The following PLPPR3 variants were observed in gnomAD, a reference collection of about 807,000 sequenced individuals.
The protein encoded by PLPPR3 is phospholipid phosphatase-related protein type 3.
Under a neutral mutation model 27.3 loss-of-function variants are expected in PLPPR3, and 14 were observed. The observed-to-expected ratio is 0.51, with a 90% CI of 0.34 to 0.80. PLPPR3 has a LOEUF of 0.80. Among genes scored for constraint, PLPPR3 ranks in the 30% least tolerant of loss-of-function variants. The pLI is 0.01. For missense variants in PLPPR3, 1,287 were observed against 1,056.9 expected (o/e 1.22, Z -3.02); for synonymous variants, 671 against 508.0 (o/e 1.32, Z -4.32).
At chr19:817,980 T>C (rs8108787) in intron 2 of PLPPR3, among the ~76,000 whole-genome samples, 44,731 of 151,942 alleles carry the variant, frequency 0.29, 6,719 homozygotes, top group South Asian at 0.37. Flanking sequence ...CCCTGGCAAC[T>C]ATCTACTTGT....
At chr19:820,406 A>T (rs961777088) in intron 2 of PLPPR3, among the ~76,000 whole-genome samples, 2 of 152,102 alleles carry the variant, frequency 1.3e-5, no homozygotes, top group Non-Finnish European at 1.5e-5. Context: ...GTTGGTCTCA[A>T]ACTCCTGGCC....
Position 813,108 on chromosome 19 carries a change from A to C in PLPPR3, c.1619T>G (p.Ile540Ser). ...CGCGCCCGGAGCCTTGGACATGGCG[A>C]TGACCTGCAGCAGCCGCGGAGGGTT... Reference protein sequence around the residue: ...VANPPRLLQVIAMSKAPGAPG... With the variant: ...VANPPRLLQVSAMSKAPGAPG... Residue 540 changes from isoleucine (I) to serine (S), a missense_variant, in exon 8 of 8, where the codon ATC becomes AGC. Transcript: ENST00000520876. This position sits in a 1 kb window ranked among gnomAD's most constrained non-coding sequence, Gnocchi z 4.1. The C allele has an allele frequency of 6.7e-7, 1 of 1,503,392 alleles. No individual in the cohort carries two copies. Among genetic ancestry groups the C allele is most frequent in the Non-Finnish European group, 8.8e-7 (1 of 1,137,518 alleles). The allele number at this position is 1,503,392 out of a possible 1,614,324, so 93.1% of individuals were successfully genotyped here.
rs1185448050 is a variant in PLPPR3, at chr19:813,068, C to T, written c.1659G>A (p.Ala553=). The stretch of plus-strand genomic sequence containing the variant: ...CGCTGGACGACGACGCCGTCTCGGC[C>T]GCCTTGGGGCCCGGCGCGCCCGGAG... The part of the protein sequence containing the change: ...SKAPGAPGPK[A]AETASSSSAS... Residue 553 remains alanine, a synonymous_variant, in exon 8 of 8, where the codon GCG becomes GCA. Coordinates refer to ENST00000520876, the MANE Select transcript of PLPPR3 (RefSeq NM_001270366.2). This position sits in a 1 kb window ranked among gnomAD's most constrained non-coding sequence, Gnocchi z 4.1. 7 of 1,499,890 alleles carry T rather than the reference C, an allele frequency of 4.7e-6. No homozygotes were observed. The highest frequency in any genetic ancestry group is 1.3e-5 in the South Asian group (1 of 79,706). 92.9% of individuals were successfully genotyped at this position (1,499,890 alleles called of 1,614,324 possible).
At position 812,623 on chromosome 19, in the gene PLPPR3, C is replaced by CCTCCGCCTCGCG. The variant is rs2034946121; in HGVS notation, c.2092_2103dup (p.Arg698_Glu701dup). On this transcript the variant is annotated inframe_insertion, in exon 8 of 8. Coordinates refer to ENST00000520876, the MANE Select transcript of PLPPR3 (RefSeq NM_001270366.2). ...TTGCGGAAGTAGCCCTCGGCCTCCG[C>CCTCCGCCTCGCG]CTCCGCCTCGCGCTCCGCCAGCCCC... 6.3e-6 allele frequency: 7 copies of CCTCCGCCTCGCG among 1,119,360 alleles called. No individual in the cohort carries two copies. The highest frequency in any genetic ancestry group is 7.7e-6 in the Non-Finnish European group (7 of 904,690). 69.3% of individuals were successfully genotyped at this position (1,119,360 alleles called of 1,614,324 possible). A position where few individuals can be genotyped will look rare whatever the true frequency, so the allele number is the denominator to read the frequency against.
Position 815,865 on chromosome 19 carries a change from G to T in PLPPR3, c.76-14C>A. ...CACTATGGGCAGCTGTGGGGACAAG[G>T]TGGGCCAGGTTCACCCTGCTCTCCC... On this transcript the variant is annotated splice_polypyrimidine_tract_variant and intron_variant, in intron 2 of 7. Coordinates refer to ENST00000520876, the MANE Select transcript of PLPPR3 (RefSeq NM_001270366.2). 1.2e-6 allele frequency: 2 copies of T among 1,610,850 alleles called. No homozygotes were observed. Among genetic ancestry groups the T allele is most frequent in the East Asian group, 2.2e-5 (1 of 44,852 alleles).
At position 814,636 on chromosome 19, in the gene PLPPR3, G is replaced by A. The variant is rs1194483325; in HGVS notation, c.658-29C>T. 1 of 1,610,642 alleles carries A rather than the reference G, an allele frequency of 6.2e-7. No homozygotes were observed. The highest frequency in any genetic ancestry group is 2.2e-5 in the East Asian group (1 of 44,872). On this transcript the variant is annotated intron_variant, in intron 6 of 7. Coordinates refer to ENST00000520876, the MANE Select transcript of PLPPR3 (RefSeq NM_001270366.2). ...GGGCATGGGGGTTGGGGTCAGGGAG[G>A]GCTCCCCACGGGTCAGCAAGAGGGC...
rs748356279 is a variant in PLPPR3 at position 814,557 on chromosome 19, G to C, written c.708C>G (p.Ile236Met). 4.3e-6 allele frequency: 7 copies of C among 1,612,284 alleles called. No homozygotes were observed. The Admixed American group carries it at 1.2e-4, about 27-fold the overall frequency. Residue 236 changes from isoleucine to methionine, a missense_variant, in exon 7 of 8, where the codon ATC (isoleucine) becomes ATG (methionine). Ile to Met is a conservative substitution (Grantham distance 10). Coordinates refer to ENST00000520876, the MANE Select transcript of PLPPR3 (RefSeq NM_001270366.2). ...CGGCGATGGCAAAGGCGAAGACCAG[G>C]ATGGGCTTCAGCAGCTTGGTGGTGT... ...ISDTTKLLKP[I>M]LVFAFAIAAG...
At position 815,302 on chromosome 19, in the gene PLPPR3, TACA is replaced by T. The variant is rs2035034104; in HGVS notation, c.284_286del (p.Leu95del). ...GCCCCACAGCCGGGACTGCAGACAG[TACA>T]ACATGCCCTCGGCCACCATGATCTG... On this transcript the variant is annotated inframe_deletion, in exon 4 of 8. Coordinates refer to ENST00000520876, the MANE Select transcript of PLPPR3 (RefSeq NM_001270366.2). 4 of 1,548,000 alleles carry T rather than the reference TACA, an allele frequency of 2.6e-6. No individual in the cohort carries two copies. The highest frequency in any genetic ancestry group is 3.5e-6 in the Non-Finnish European group (4 of 1,147,434).
rs1291039042 is a variant in PLPPR3, at chr19:812,547, C to G, written c.*23G>C. ...CCGCCCGCGCCCTCGGCCCGCCCCC[C>G]GCCCGCCCCCGGCCCCGCCGCGCTA... On this transcript the variant is annotated 3_prime_UTR_variant, in exon 8 of 8. Coordinates refer to ENST00000520876, the MANE Select transcript of PLPPR3 (RefSeq NM_001270366.2). 12 of 979,358 alleles carry G rather than the reference C, an allele frequency of 1.2e-5. No homozygotes were observed. Among genetic ancestry groups the G allele is most frequent in the Non-Finnish European group, 1.3e-5 (11 of 822,138 alleles). The allele number at this position is 979,358 out of a possible 1,614,324, so 60.7% of individuals were successfully genotyped here.
At chr19:814,322 C>G (rs1163143148) in intron 7 of PLPPR3, 112 bp downstream of exon 7, 1 of 1,082,692 alleles carries the variant, frequency 9.2e-7, no homozygotes, top group Non-Finnish European at 1.3e-6. Flanking sequence ...AGCCTGCCTC[C>G]CACCTCAGAC....
In PLPPR3 at chr19:813,578, G is replaced by A; in HGVS notation, c.1149C>T (p.Pro383=). Residue 383 remains proline, a synonymous_variant, in exon 8 of 8, where the codon CCC becomes CCT. Coordinates refer to ENST00000520876, the MANE Select transcript of PLPPR3 (RefSeq NM_001270366.2). This position sits in a 1 kb window ranked among gnomAD's most constrained non-coding sequence, Gnocchi z 4.1. ...GGCGGCGCGCGGGGTCGTCCAGCGA[G>A]GGCGCGCTGGCCCTGGGCAGCGTGT... is the stretch of plus-strand genomic sequence containing the variant. ...FSHTLPRASA[P]SLDDPARRHM... The A allele has an allele frequency of 6.4e-7, 1 of 1,555,424 alleles. No homozygotes were observed. Among genetic ancestry groups the A allele is most frequent in the Non-Finnish European group, 8.7e-7 (1 of 1,151,840 alleles).
chr19:821,187 G>GCCCCCAGC (rs2035138710), intron 2 of PLPPR3, among the ~76,000 whole-genome samples: 1 of 94,140 alleles, frequency 1.1e-5, no homozygotes, highest in Admixed American at 1.3e-4. Flanking sequence ...CCCCCTCCAG[G>GCCCCCAGC]CCCCCAGCCC....
In PLPPR3 at chr19:813,686, G is replaced by A. The variant is rs766640741; in HGVS notation, c.1041C>T (p.Gly347=). Residue 347 remains glycine (G), a synonymous_variant, in exon 8 of 8, where the codon GGC becomes GGT. Coordinates refer to ENST00000520876, the MANE Select transcript of PLPPR3 (RefSeq NM_001270366.2). This position sits in a 1 kb window ranked among gnomAD's most constrained non-coding sequence, Gnocchi z 4.1. The part of the protein sequence containing the change: ...RPVAREKTSL[G]SLKRASVDVD... The stretch of plus-strand genomic sequence containing the variant: ...CGTCCACGCTGGCGCGCTTCAGGCT[G>A]CCCAGCGAGGTCTTCTCGCGGGCCA... 2.6e-6 allele frequency: 4 copies of A among 1,531,670 alleles called. No homozygotes were observed. The South Asian group carries it at 3.6e-5, about 14-fold the overall frequency. 94.9% of individuals were successfully genotyped at this position (1,531,670 alleles called of 1,614,324 possible).
At position 813,392 on chromosome 19, in the gene PLPPR3, CTCT is replaced by C. The variant is rs1296371570; in HGVS notation, c.1332_1334del (p.Glu447del). 2.7e-6 allele frequency: 4 copies of C among 1,501,886 alleles called. No individual in the cohort carries two copies. The highest frequency in any genetic ancestry group is 1.3e-5 in the South Asian group (1 of 79,196). 93.0% of individuals were successfully genotyped at this position (1,501,886 alleles called of 1,614,324 possible). The stretch of plus-strand genomic sequence containing the variant: ...CCTCCTCTTCCTCTTCGTCCTCCTC[CTCT>C]TCCTCCTCCTCCGCCATGGGTTCGG... On this transcript the variant is annotated inframe_deletion, in exon 8 of 8. Transcript: ENST00000520876. This position sits in a 1 kb window ranked among gnomAD's most constrained non-coding sequence, Gnocchi z 4.1.
Position 812,538 on chromosome 19 carries a change from C to CCT in PLPPR3, c.*31_*32insAG. 1.1e-6 allele frequency: 1 copy of CCT among 934,806 alleles called. No individual in the cohort carries two copies. Among genetic ancestry groups the CCT allele is most frequent in the Non-Finnish European group, 1.3e-6 (1 of 782,810 alleles). The allele number at this position is 934,806 out of a possible 1,614,324, so 57.9% of individuals were successfully genotyped here. A position where few individuals can be genotyped will look rare whatever the true frequency, so the allele number is the denominator to read the frequency against. On this transcript the variant is annotated 3_prime_UTR_variant, in exon 8 of 8. Transcript: ENST00000520876. ...TCCGCGCGGCCGCCCGCGCCCTCGG[C>CCT]CCGCCCCCCGCCCGCCCCCGGCCCC...
upstream of PLPPR3, among the ~76,000 whole-genome samples, chr19:822,129 C>T (rs1404994501): frequency 2.0e-5 from 3 of 151,826 alleles, no homozygotes; most frequent in East Asian, 5.9e-4. Context: ...TCCCTGGCGC[C>T]GCCTCCCACC....
intron 6 of PLPPR3, 34 bp downstream of exon 6, chr19:814,658 G>A (rs1395445990): frequency 6.2e-7 from 1 of 1,609,052 alleles, no homozygotes; most frequent in Admixed American, 1.7e-5. Flanking sequence ...GTCAGCAAGA[G>A]GGCCTGGGAA....
In PLPPR3 at chr19:815,313, C is replaced by T. The variant is rs1469349788; in HGVS notation, c.276G>A (p.Glu92=). 2 of 1,544,158 alleles carry T rather than the reference C, an allele frequency of 1.3e-6. No individual in the cohort carries two copies. Among genetic ancestry groups the T allele is most frequent in the Non-Finnish European group, 1.7e-6 (2 of 1,145,342 alleles). ...GGGACTGCAGACAGTACAACATGCC[C>T]TCGGCCACCATGATCTGCCAACAGG... ...AAPAASIMVA[E]GMLYCLQSRL... Residue 92 remains glutamate, a synonymous_variant, in exon 4 of 8, where the codon GAG becomes GAA. Transcript: ENST00000520876.
intron 2 of PLPPR3, among the ~76,000 whole-genome samples, chr19:817,359 C>T (rs569484036): frequency 1.3e-5 from 2 of 152,212 alleles, no homozygotes; most frequent in African/African-American, 2.4e-5. Flanking sequence ...CTGCAAACTC[C>T]GCCTCCAGGT....
Sources: gnomAD v4.1 joint callset for allele counts (sites outside exome capture counted in the v4.1 genomes callset) on GRCh38, gnomAD v4.1.1 for gene constraint, Gnocchi (gnomAD v3.1) non-coding constraint, MANE v1.5 for transcripts, NCBI Gene and HGNC (gene_info 2026-07-23, HGNC 2026-07-21) for gene names.